Variants in FBXL18 observed in about 807,000 individuals in gnomAD.
FBXL18 encodes the protein F-box/LRR-repeat protein 18.
In FBXL18, 36 loss-of-function variants were observed where a neutral mutation model predicts 46.0. The ratio of observed to expected loss-of-function variants is 0.78; its 90% CI spans 0.60 to 1.03. FBXL18 has a LOEUF of 1.03. FBXL18 is among the 50% of genes least tolerant of loss of function. The pLI is 0.00. For missense variants in FBXL18, 977 were observed against 1,004.1 expected (o/e 0.97, Z 0.36); for synonymous variants, 557 against 465.3 (o/e 1.20, Z -2.54).
chr7:5,499,595 G>T (rs908445917), intron 3 of FBXL18, among the ~76,000 whole-genome samples: 4 of 152,052 alleles, frequency 2.6e-5, no homozygotes, highest in Non-Finnish European at 4.4e-5. Flanking sequence ...GCCAGGTGTG[G>T]TGGTGCACAC....
Position 5,500,577 on chromosome 7 carries a change from C to G in FBXL18, c.1692G>C (p.Ser564=), listed in dbSNP as rs1784209344. 6.2e-7 allele frequency: 1 copy of G among 1,613,514 alleles called. No individual in the cohort carries two copies. Among genetic ancestry groups the G allele is most frequent in the Admixed American group, 1.7e-5 (1 of 60,012 alleles). ...TCCCCATCATGCCCAGGTTGGCCAG[C>G]GACAGGGACCGCAACTGCTGGCACT... The part of the protein sequence containing the change: ...GLQCQQLRSL[S]LANLGMMGKV... The change falls in exon 3 of 5, where the codon TCG becomes TCC. Residue 564 remains serine, a synonymous_variant. Transcript: ENST00000382368.
At chr7:5,467,143 A>G (rs1444874718) in intron 4 of FBXL18, among the ~76,000 whole-genome samples, 3 of 152,152 alleles carry the variant, frequency 2.0e-5, no homozygotes, top group African/African-American at 7.2e-5. Flanking sequence ...CGAGTTCAGG[A>G]GATCGAGACC....
Position 5,501,764 on chromosome 7 carries a change from T to C in FBXL18, c.505A>G (p.Thr169Ala). 6.4e-7 allele frequency: 1 copy of C among 1,559,014 alleles called. No individual in the cohort carries two copies. The highest frequency in any genetic ancestry group is 8.7e-7 in the Non-Finnish European group (1 of 1,151,130). ...ASQLSSECKATLSRVRELKQT... is the reference protein window; with the variant it reads ...ASQLSSECKAALSRVRELKQT... ...TTGAGCTCCCGCACGCGGCTCAGGG[T>C]GGCCTTGCACTCGCTGCTCAGCTGG... The change falls in exon 3 of 5, where the codon ACC becomes GCC. Residue 169 changes from threonine (T) to alanine (A), a missense_variant. Physicochemically the swap from Thr to Ala is moderately conservative, Grantham distance 58. Coordinates refer to ENST00000382368, the MANE Select transcript of FBXL18 (RefSeq NM_024963.6).
At chr7:5,490,087 C>T (rs1288120623) in intron 4 of FBXL18, 1 of 1,361,366 alleles carries the variant, frequency 7.3e-7, no homozygotes, top group African/African-American at 1.5e-5. Flanking sequence ...ACCGCAAGGA[C>T]AACAGACTAC....
intron 4 of FBXL18, among the ~76,000 whole-genome samples, chr7:5,462,817 G>T (rs1218402945): frequency 1.3e-5 from 2 of 150,124 alleles, no homozygotes; most frequent in African/African-American, 4.9e-5. Flanking sequence ...CAGGTGTGGT[G>T]GCGGGCGCCT....
At chr7:5,503,287 G>C (rs772611101) in intron 2 of FBXL18, among the ~76,000 whole-genome samples, 12 of 152,342 alleles carry the variant, frequency 7.9e-5, no homozygotes, top group Non-Finnish European at 1.6e-4. Context: ...GGGAGGCTGA[G>C]GCAGGAGGAT....
chr7:5,497,495 C>T (rs958768803), intron 3 of FBXL18, among the ~76,000 whole-genome samples: 3 of 152,180 alleles, frequency 2.0e-5, no homozygotes, highest in Admixed American at 6.6e-5. Context: ...TTTGATCCTG[C>T]GCTTCTCAAC....
rs1185548254 is a variant in FBXL18, at chr7:5,462,970, ATATATATATAT to A, written c.2001-15138_2001-15128del. ...GGTCTCAAAAAAAAAAAAAAAAAAA[ATATATATATAT>A]ATATATATATATATAATATATATAC... On this transcript the variant is annotated intron_variant and NMD_transcript_variant, in intron 4 of 6. Coordinates refer to the FBXL18 transcript ENST00000415009. Among the ~76,000 whole-genome samples the A allele has an allele frequency of 2.9e-4, 4 of 13,840 alleles. 1 individual carries two copies. Among genetic ancestry groups the A allele is most frequent in the South Asian group, 7.6e-3 (2 of 264 alleles). 9.1% of individuals were successfully genotyped at this position (13,840 alleles called of 152,430 possible).
intron 4 of FBXL18, among the ~76,000 whole-genome samples, chr7:5,459,180 A>G (rs1783210761): frequency 6.6e-6 from 1 of 152,222 alleles, no homozygotes; most frequent in Admixed American, 6.5e-5. Context: ...AAAGAGAAGA[A>G]AAGAAAACAA....
chr7:5,474,018 A>T (rs975218584), downstream of FBXL18, among the ~76,000 whole-genome samples: 5 of 151,952 alleles, frequency 3.3e-5, no homozygotes, highest in African/African-American at 1.2e-4. Flanking sequence ...GCTGGTCTCA[A>T]ACTCCTGACC....
intron 3 of FBXL18, among the ~76,000 whole-genome samples, chr7:5,493,676 CGTGCGTGCGTGT>C (rs1294904790): frequency 3.0e-5 from 4 of 133,960 alleles, no homozygotes; most frequent in Non-Finnish European, 5.0e-5. Context: ...TGCGTGCGTG[CGTGCGTGCGTGT>C]GTGTGTGTGG....
chr7:5,469,936 G>A (rs529519294), intron 4 of FBXL18, among the ~76,000 whole-genome samples: 14 of 152,126 alleles, frequency 9.2e-5, no homozygotes, highest in East Asian at 1.9e-4. Context: ...CGGAGTGTGC[G>A]AGTAAACGTC....
chr7:5,493,608 T>A (rs1410056677), intron 3 of FBXL18, among the ~76,000 whole-genome samples: 2 of 151,578 alleles, frequency 1.3e-5, no homozygotes, highest in African/African-American at 2.4e-5. Flanking sequence ...ATTTTTTTTT[T>A]AAAAGAATAA....
chr7:5,510,594 G>A (rs996777758), intron 1 of FBXL18, among the ~76,000 whole-genome samples: 17 of 151,298 alleles, frequency 1.1e-4, no homozygotes, highest in African/African-American at 4.1e-4. Context: ...GCAGAAGTGG[G>A]AGGATCACCT....
At position 5,506,334 on chromosome 7, in the gene FBXL18, C is replaced by T. The variant is rs149290465; in HGVS notation, c.19-704G>A. 5.7e-3 allele frequency among the ~76,000 whole-genome samples: 868 copies of T among 151,814 alleles called. 6 individuals carry two copies. The highest frequency in any genetic ancestry group is 0.02 in the African/African-American group (840 of 41,354). ...CGCAATCTCGGTTCACTGCAACCTC[C>T]GCCTCCCGGGTTGAAGCAGTTCTCC... On this transcript the variant is annotated intron_variant, in intron 1 of 4. Coordinates refer to ENST00000382368, the MANE Select transcript of FBXL18 (RefSeq NM_024963.6).
chr7:5,500,814 C>T lies in FBXL18; in HGVS notation c.1455G>A (p.Leu485=). 1 of 1,612,434 alleles carries T rather than the reference C, an allele frequency of 6.2e-7. No individual in the cohort carries two copies. Among genetic ancestry groups the T allele is most frequent in the Non-Finnish European group, 8.5e-7 (1 of 1,179,658 alleles). ...TGGACCCAATCAGCTCGAGGTGTTCCAGGAAGGGCAGGTTCTTCAGCAGAG... is the reference window on the plus strand; with the variant it reads ...TGGACCCAATCAGCTCGAGGTGTTCTAGGAAGGGCAGGTTCTTCAGCAGAG... ...FWSLLKNLPF[L]EHLELIGSNF... Residue 485 remains leucine, a synonymous_variant, in exon 3 of 5, where the codon CTG becomes CTA. Transcript: ENST00000382368.
At chr7:5,454,883 G>T (rs192070827) in intron 4 of FBXL18, among the ~76,000 whole-genome samples, 1 of 152,354 alleles carries the variant, frequency 6.6e-6, no homozygotes, top group East Asian at 1.9e-4. Context: ...AGTGAGAGAG[G>T]ACGCGCTGCT....
At chr7:5,462,625 G>T (rs1257997070) in intron 4 of FBXL18, among the ~76,000 whole-genome samples, 1 of 151,974 alleles carries the variant, frequency 6.6e-6, no homozygotes, top group Non-Finnish European at 1.5e-5. Context: ...TCTTACTGGG[G>T]ACCCAGCCGC....
intron 1 of FBXL18, among the ~76,000 whole-genome samples, chr7:5,507,467 C>T (rs552869500): frequency 6.6e-5 from 10 of 152,172 alleles, no homozygotes; most frequent in South Asian, 2.1e-4. Flanking sequence ...GGACATGGCC[C>T]GTAAGGACCC....
Sources: allele counts gnomAD v4.1 joint callset (sites outside exome capture counted in the v4.1 genomes callset), GRCh38; gene constraint gnomAD v4.1.1; transcripts MANE v1.5; gene names NCBI Gene and HGNC (gene_info 2026-07-23, HGNC 2026-07-21).